The following SORL1-AS1 variants were observed in gnomAD, a reference collection of about 807,000 sequenced individuals.
The protein encoded by SORL1-AS1 is lncRNA 51 A.
chr11:121,451,007 T>C (rs1379844688), intron 1 of SORL1-AS1, among the ~76,000 whole-genome samples: 3 of 151,990 alleles, frequency 2.0e-5, no homozygotes, highest in Non-Finnish European at 2.9e-5. Context: ...TGGGCCGGGG[T>C]AGGAATCGGG....
downstream of SORL1-AS1, among the ~76,000 whole-genome samples, chr11:121,443,646 G>A (rs1347009383): frequency 6.6e-6 from 1 of 152,224 alleles, no homozygotes. Flanking sequence ...CATGCTCTAA[G>A]TGTGATTGGC....
the SORL1-AS1 span, among the ~76,000 whole-genome samples, chr11:121,442,281 T>A: frequency 1.3e-5 from 2 of 152,206 alleles, no homozygotes; most frequent in South Asian, 4.1e-4. Context: ...GTTAAACTTA[T>A]GGTTGGTAAC....
Position 121,452,090 on chromosome 11 carries a change from G to C in SORL1-AS1, n.339+585C>G, listed in dbSNP as rs1163348094. 2.0e-5 allele frequency: 3 copies of C among 153,176 alleles called. No individual in the cohort carries two copies. The highest frequency in any genetic ancestry group is 7.2e-5 in the African/African-American group (3 of 41,448). The allele number at this position is 153,176 out of a possible 1,614,324, so 9.5% of individuals were successfully genotyped here. Reference sequence around the variant, plus strand: ...GGGAGGGGCCGGAGTCGCCGCCGAGGCCGCCGAGCGCAGAAAGTGCGCGAA... The same window carrying C: ...GGGAGGGGCCGGAGTCGCCGCCGAGCCCGCCGAGCGCAGAAAGTGCGCGAA... On this transcript the variant is annotated intron_variant and non_coding_transcript_variant, in intron 1 of 1. Transcript: ENST00000501964. The surrounding 1 kb of genome is among the most constrained non-coding windows in gnomAD (Gnocchi z 5.3).
downstream of SORL1-AS1, among the ~76,000 whole-genome samples, chr11:121,446,896 C>A (rs1304805102): frequency 6.6e-6 from 1 of 152,172 alleles, no homozygotes; most frequent in Non-Finnish European, 1.5e-5. Context: ...TGTGCTGTGT[C>A]CAAGCTGATT....
exon 2 of SORL1-AS1, chr11:121,449,481 G>A (rs1211669196): frequency 6.6e-6 from 1 of 152,186 alleles, no homozygotes; most frequent in Admixed American, 6.5e-5. Flanking sequence ...CAACCCAGTG[G>A]GGGTCCTGAA....
chr11:121,439,926 G>A, the SORL1-AS1 span, among the ~76,000 whole-genome samples: 1 of 152,208 alleles, frequency 6.6e-6, no homozygotes, highest in Admixed American at 6.5e-5. Context: ...CCATTGGGCT[G>A]GATGAGAGTC....
chr11:121,447,067 G>C (rs1272363058), downstream of SORL1-AS1, among the ~76,000 whole-genome samples: 4 of 152,176 alleles, frequency 2.6e-5, no homozygotes, highest in African/African-American at 9.7e-5. Context: ...AACCCAGGAG[G>C]GGGAGTCCTA....
At chr11:121,442,481 A>G (rs1202126489), downstream of SORL1-AS1, among the ~76,000 whole-genome samples, 2 of 151,546 alleles carry the variant, frequency 1.3e-5, no homozygotes, top group South Asian at 2.1e-4. Flanking sequence ...CTAAAAATAC[A>G]AAAATTAACT....
At position 121,452,307 on chromosome 11, in the gene SORL1-AS1, C is replaced by CA. The variant is rs1860809951; in HGVS notation, n.339+367dup. 1.3e-6 allele frequency: 2 copies of CA among 1,482,664 alleles called. No individual in the cohort carries two copies. Among genetic ancestry groups the CA allele is most frequent in the African/African-American group, 2.9e-5 (2 of 68,298 alleles). The allele number at this position is 1,482,664 out of a possible 1,614,324, so 91.8% of individuals were successfully genotyped here. ...GCACATTCTCTCCTGGCGGCGGCGCCACCTGCAGTAGCGTTCGCCCGAACA... is the reference window on the plus strand; with the variant it reads ...GCACATTCTCTCCTGGCGGCGGCGCCAACCTGCAGTAGCGTTCGCCCGAACA... On this transcript the variant is annotated intron_variant and non_coding_transcript_variant, in intron 1 of 1. Coordinates refer to ENST00000501964, the Ensembl canonical transcript of SORL1-AS1. This position sits in a 1 kb window ranked among gnomAD's most constrained non-coding sequence, Gnocchi z 5.3.
chr11:121,446,628 A>G (rs140481656), downstream of SORL1-AS1, among the ~76,000 whole-genome samples: 1,718 of 152,160 alleles, frequency 0.011, 37 homozygotes, highest in African/African-American at 0.039. Context: ...ACACATGCCT[A>G]TAATCCCAGC....
chr11:121,443,409 G>C (rs571918305), downstream of SORL1-AS1, among the ~76,000 whole-genome samples: 3 of 152,330 alleles, frequency 2.0e-5, no homozygotes, highest in Admixed American at 1.3e-4. Context: ...ATGTCAAACA[G>C]ACAAGAACCT....
rs772358955 is a variant in SORL1-AS1 at position 121,452,563 on chromosome 11, C to T, written n.339+112G>A. 1.3e-6 allele frequency: 2 copies of T among 1,513,848 alleles called. No individual in the cohort carries two copies. The highest frequency in any genetic ancestry group is 1.2e-5 in the South Asian group (1 of 81,750). 93.8% of individuals were successfully genotyped at this position (1,513,848 alleles called of 1,614,324 possible). A position where few individuals can be genotyped will look rare whatever the true frequency, so the allele number is the denominator to read the frequency against. ...GAGCCGCGCGGACGAGAAGCCGCTC[C>T]GGAGGAAACGGAGCGCTGCCCTGCA... On this transcript the variant is annotated intron_variant and non_coding_transcript_variant, in intron 1 of 1. Coordinates refer to ENST00000501964, the Ensembl canonical transcript of SORL1-AS1. This position sits in a 1 kb window ranked among gnomAD's most constrained non-coding sequence, Gnocchi z 5.3.
chr11:121,452,697 C>G lies in SORL1-AS1; in HGVS notation n.317G>C. ...CACCCCCGCATCCATCCGTTGCAGTCGCCTCCTAGGTGCAGGCACCACTGG... is the reference window on the plus strand; with the variant it reads ...CACCCCCGCATCCATCCGTTGCAGTGGCCTCCTAGGTGCAGGCACCACTGG... On this transcript the variant is annotated non_coding_transcript_exon_variant, in exon 1 of 2. Transcript: ENST00000501964. The surrounding 1 kb of genome is among the most constrained non-coding windows in gnomAD (Gnocchi z 5.3). 27 of 1,285,832 alleles carry G rather than the reference C, an allele frequency of 2.1e-5. No individual in the cohort carries two copies. The highest frequency in any genetic ancestry group is 2.6e-5 in the Non-Finnish European group (26 of 993,632). 79.7% of individuals were successfully genotyped at this position (1,285,832 alleles called of 1,614,324 possible).
chr11:121,441,462 C>A, the SORL1-AS1 span, among the ~76,000 whole-genome samples: 1 of 141,594 alleles, frequency 7.1e-6, no homozygotes, highest in Non-Finnish European at 1.5e-5. Flanking sequence ...ACCTGGGATG[C>A]GGAGCTTGCA....
rs1315717919 is a variant in SORL1-AS1 at position 121,450,778 on chromosome 11, A to G, written n.340-879T>C. On this transcript the variant is annotated intron_variant and non_coding_transcript_variant, in intron 1 of 1. Coordinates refer to ENST00000501964, the Ensembl canonical transcript of SORL1-AS1. The surrounding 1 kb of genome is among the most constrained non-coding windows in gnomAD (Gnocchi z 5.2). ...TGTAATTATGTTGAGATGGACAGAA[A>G]GACATCATCTGACTTGGGGAGAAAA... 1.3e-5 allele frequency among the ~76,000 whole-genome samples: 2 copies of G among 152,152 alleles called. No homozygotes were observed. The highest frequency in any genetic ancestry group is 1.3e-4 in the Admixed American group (2 of 15,274).
rs763488914 is a variant in SORL1-AS1, at chr11:121,452,450, C to T, written n.339+225G>A. 6.6e-7 allele frequency: 1 copy of T among 1,508,846 alleles called. No individual in the cohort carries two copies. The highest frequency in any genetic ancestry group is 8.8e-7 in the Non-Finnish European group (1 of 1,130,356). 93.5% of individuals were successfully genotyped at this position (1,508,846 alleles called of 1,614,324 possible). On this transcript the variant is annotated intron_variant and non_coding_transcript_variant, in intron 1 of 1. Coordinates refer to ENST00000501964, the Ensembl canonical transcript of SORL1-AS1. This position sits in a 1 kb window ranked among gnomAD's most constrained non-coding sequence, Gnocchi z 5.3. ...ACGCAGAGGCTGCACGGCGGCAGCGCGCCCTTGCCCCAGGACCGGGGCTTC... is the reference window on the plus strand; with the variant it reads ...ACGCAGAGGCTGCACGGCGGCAGCGTGCCCTTGCCCCAGGACCGGGGCTTC...
At chr11:121,439,024 T>TCAA in the SORL1-AS1 span, among the ~76,000 whole-genome samples, 4 of 152,188 alleles carry the variant, frequency 2.6e-5, no homozygotes, top group Non-Finnish European at 5.9e-5. Flanking sequence ...AGACTCTGTT[T>TCAA]CAACAACAAC....
At chr11:121,444,166 T>A (rs554605395), downstream of SORL1-AS1, among the ~76,000 whole-genome samples, 1 of 152,230 alleles carries the variant, frequency 6.6e-6, no homozygotes, top group African/African-American at 2.4e-5. Context: ...TAAAAACTAA[T>A]CTCAGTTTTT....
chr11:121,452,540 G>C lies in SORL1-AS1; in HGVS notation n.339+135C>G, dbSNP rs1279928761. The C allele has an allele frequency of 6.7e-7, 1 of 1,492,802 alleles. No individual in the cohort carries two copies. Among genetic ancestry groups the C allele is most frequent in the Admixed American group, 2.2e-5 (1 of 44,620 alleles). The allele number at this position is 1,492,802 out of a possible 1,614,324, so 92.5% of individuals were successfully genotyped here. A position where few individuals can be genotyped will look rare whatever the true frequency, so the allele number is the denominator to read the frequency against. The stretch of plus-strand genomic sequence containing the variant: ...GCGCGCGGGGATGCCAGGGGGGCGA[G>C]CCGCGCGGACGAGAAGCCGCTCCGG... On this transcript the variant is annotated intron_variant and non_coding_transcript_variant, in intron 1 of 1. Coordinates refer to ENST00000501964, the Ensembl canonical transcript of SORL1-AS1. The surrounding 1 kb of genome is among the most constrained non-coding windows in gnomAD (Gnocchi z 5.3).
Sources: allele counts gnomAD v4.1 joint callset (sites outside exome capture counted in the v4.1 genomes callset), GRCh38; gene constraint gnomAD v4.1.1; non-coding constraint Gnocchi (gnomAD v3.1); transcripts MANE v1.5; gene names NCBI Gene and HGNC (gene_info 2026-07-23, HGNC 2026-07-21).